Variants in CFAP221 observed in about 807,000 individuals in gnomAD.
CFAP221 encodes the protein cilia and flagella associated protein 221.
CFAP221 carries 97 observed loss-of-function variants against 113.1 expected under a neutral mutation model. The ratio of observed to expected loss-of-function variants is 0.86; its 90% confidence interval spans 0.73 to 1.02. CFAP221 has a LOEUF of 1.02. CFAP221 is among the 50% of genes least tolerant of loss of function. The pLI is 0.00. For synonymous variants in CFAP221, 331 were observed against 354.4 expected, an observed-to-expected ratio of 0.93 and a Z score of 0.74; for missense variants, 1,025 against 1,013.4, an observed-to-expected ratio of 1.01 and a Z score of -0.16.
rs1165806579 is a variant in CFAP221, at chr2:119,547,874, G to A, written c.140-1211G>A. On this transcript the variant is annotated intron_variant, in intron 2 of 23. Coordinates refer to ENST00000413369, the MANE Select transcript of CFAP221 (RefSeq NM_001271049.2). ...GATTTGGATGCAGTCAAAGTCAAATGTTATTATTTGTAAGAAGGTGGGCAG... is the reference window on the plus strand; with the variant it reads ...GATTTGGATGCAGTCAAAGTCAAATATTATTATTTGTAAGAAGGTGGGCAG... Among the ~76,000 whole-genome samples the A allele has an allele frequency of 3.9e-5, 6 of 152,208 alleles. No homozygotes were observed. The East Asian group carries it at 9.6e-4, about 24-fold the overall frequency.
chr2:119,592,272 G>C (rs1375670065), intron 7 of CFAP221, among the ~76,000 whole-genome samples: 1 of 152,210 alleles, frequency 6.6e-6, no homozygotes, highest in East Asian at 1.9e-4. Context: ...AAAGGAATTG[G>C]TGAACTTCCT....
intron 21 of CFAP221, among the ~76,000 whole-genome samples, chr2:119,646,695 A>G (rs1489632112): frequency 1.3e-5 from 2 of 152,108 alleles, no homozygotes; most frequent in Non-Finnish European, 2.9e-5. Flanking sequence ...AATTTTAAAC[A>G]CTACAAACTG....
intron 6 of CFAP221, among the ~76,000 whole-genome samples, chr2:119,579,886 G>A (rs1682721513): frequency 6.6e-6 from 1 of 152,130 alleles, no homozygotes; most frequent in Admixed American, 6.5e-5. Flanking sequence ...TTGCTTTGCC[G>A]GGACAGCTTT....
intron 6 of CFAP221, among the ~76,000 whole-genome samples, chr2:119,573,666 A>G (rs1574034582): frequency 1.3e-5 from 2 of 152,366 alleles, no homozygotes; most frequent in South Asian, 4.1e-4. Flanking sequence ...ACTGCACTCT[A>G]GCCTGCAACA....
rs866334986 is a variant in CFAP221, at chr2:119,624,926, G to A, written c.1411-657G>A. Reference sequence around the variant, plus strand: ...AGGAGAAATACCTAATGTAGATGGCGGGTTGATGGGTGTAGCAAACTACCA... The same window carrying A: ...AGGAGAAATACCTAATGTAGATGGCAGGTTGATGGGTGTAGCAAACTACCA... On this transcript the variant is annotated intron_variant, in intron 14 of 23. Transcript: ENST00000413369. Among the ~76,000 whole-genome samples, 8 of 152,144 alleles carry A rather than the reference G, an allele frequency of 5.3e-5. No individual in the cohort carries two copies. In the South Asian group the frequency reaches 1.2e-3, roughly 24 times the overall value.
At chr2:119,621,812 A>G (rs1051474533) in intron 14 of CFAP221, among the ~76,000 whole-genome samples, 6 of 152,252 alleles carry the variant, frequency 3.9e-5, no homozygotes, top group Non-Finnish European at 7.3e-5. Context: ...AAATGAAGAC[A>G]GAAATAAATA....
chr2:119,652,158 C>A, intron 23 of CFAP221, 89 bp downstream of exon 23: 1 of 927,924 alleles, frequency 1.1e-6, no homozygotes. Context: ...TTGTCTGAGT[C>A]TAAATAGCTC....
At chr2:119,547,574 A>T (rs1680138799) in intron 2 of CFAP221, among the ~76,000 whole-genome samples, 1 of 152,170 alleles carries the variant, frequency 6.6e-6, no homozygotes, top group Non-Finnish European at 1.5e-5. Flanking sequence ...AAAAAAGATA[A>T]TCAATCAATA....
At chr2:119,651,696 A>G (rs557707322) in intron 22 of CFAP221, among the ~76,000 whole-genome samples, 2 of 152,336 alleles carry the variant, frequency 1.3e-5, no homozygotes, top group Non-Finnish European at 2.9e-5. Context: ...TAAATGTTCC[A>G]TGTGCACTGG....
intron 6 of CFAP221, among the ~76,000 whole-genome samples, chr2:119,584,179 A>T (rs1346604041): frequency 6.6e-6 from 1 of 151,812 alleles, no homozygotes; most frequent in Non-Finnish European, 1.5e-5. Flanking sequence ...AAAACTGACT[A>T]CCTTAAAATT....
chr2:119,594,121 T>C (rs1472835001), intron 7 of CFAP221, among the ~76,000 whole-genome samples: 1 of 152,230 alleles, frequency 6.6e-6, no homozygotes, highest in Non-Finnish European at 1.5e-5. Flanking sequence ...CTCCTTTGAG[T>C]GTGTTCTTAC....
At chr2:119,616,013 G>A (rs1368834787) in intron 14 of CFAP221, among the ~76,000 whole-genome samples, 6 of 152,134 alleles carry the variant, frequency 3.9e-5, no homozygotes, top group Admixed American at 3.3e-4. Flanking sequence ...CTACGGATTT[G>A]CCTTTTCTGG....
At chr2:119,646,910 A>G (rs571973522) in intron 21 of CFAP221, 48 bp from the exon 22 acceptor site, 1 of 1,503,134 alleles carries the variant, frequency 6.7e-7, no homozygotes, top group Admixed American at 1.8e-5. Context: ...AGACCCCAAG[A>G]CTTCTAGTGT....
intron 5 of CFAP221, among the ~76,000 whole-genome samples, chr2:119,560,270 C>T (rs1302168538): frequency 6.6e-6 from 1 of 152,166 alleles, no homozygotes; most frequent in Non-Finnish European, 1.5e-5. Flanking sequence ...CGGTTTGCTG[C>T]AGGCTTCCCA....
rs539238411 is a variant in CFAP221, at chr2:119,656,095, C to T, written c.2415-267C>T. ...GCTGGGAGATGGGAATTACACCATT[C>T]GCACATCAGGAAACAGGGGCTGTGG... On this transcript the variant is annotated intron_variant, in intron 23 of 23. Coordinates refer to ENST00000413369, the MANE Select transcript of CFAP221 (RefSeq NM_001271049.2). The T allele has an allele frequency of 2.4e-4, 103 of 433,226 alleles. No individual in the cohort carries two copies. In the East Asian group the frequency reaches 2.4e-3, roughly 10 times the overall value. The allele number at this position is 433,226 out of a possible 1,614,324, so 26.8% of individuals were successfully genotyped here.
intron 6 of CFAP221, among the ~76,000 whole-genome samples, chr2:119,582,287 G>C (rs1458520133): frequency 6.6e-6 from 1 of 152,086 alleles, no homozygotes; most frequent in Non-Finnish European, 1.5e-5. Context: ...TTAAAAGTCA[G>C]TACTTTTTGT....
chr2:119,590,441 A>C (rs1333489674), intron 7 of CFAP221, among the ~76,000 whole-genome samples: 1 of 152,174 alleles, frequency 6.6e-6, no homozygotes, highest in Non-Finnish European at 1.5e-5. Context: ...CTCCAGCATG[A>C]GCACAAGGAC....
At chr2:119,584,098 T>G (rs1486021853) in intron 6 of CFAP221, among the ~76,000 whole-genome samples, 1 of 152,190 alleles carries the variant, frequency 6.6e-6, no homozygotes, top group Non-Finnish European at 1.5e-5. Flanking sequence ...AAATTAAACC[T>G]TAATAAATTA....
chr2:119,652,587 C>A (rs1688193022), intron 23 of CFAP221, among the ~76,000 whole-genome samples: 1 of 152,198 alleles, frequency 6.6e-6, no homozygotes, highest in Non-Finnish European at 1.5e-5. Flanking sequence ...AGTAAATGTT[C>A]TCTCCTTCTC....
Sources: allele counts gnomAD v4.1 joint callset (sites outside exome capture counted in the v4.1 genomes callset), GRCh38; gene constraint gnomAD v4.1.1; transcripts MANE v1.5; gene names NCBI Gene and HGNC (gene_info 2026-07-23, HGNC 2026-07-21).